GALNTL6: variants seen among roughly 807,000 people sequenced by gnomAD.
The protein encoded by GALNTL6 is polypeptide N-acetylgalactosaminyltransferase like 6, also known as polypeptide N-acetylgalactosaminyltransferase-like 6.
GALNTL6 carries 46 observed loss-of-function variants against 73.7 expected under a neutral mutation model. The ratio of observed to expected loss-of-function variants is 0.62; its 90% CI spans 0.49 to 0.80. The LOEUF (loss-of-function observed/expected upper bound fraction) is 0.80. Ranked by LOEUF, GALNTL6 falls within the 30% of genes least tolerant of loss-of-function variation. The pLI is 0.00. For missense variants in GALNTL6, 604 were observed against 755.0 expected (o/e 0.80, Z 2.34); for synonymous variants, 259 against 263.7 (o/e 0.98, Z 0.17).
At chr4:171,937,830 T>G (rs919421636) in intron 2 of GALNTL6, among the ~76,000 whole-genome samples, 4 of 152,160 alleles carry the variant, frequency 2.6e-5, no homozygotes, top group Non-Finnish European at 5.9e-5. Flanking sequence ...TTTAATTATT[T>G]GCTAATGAAT....
At chr4:172,670,483 T>C (rs1731914209) in intron 5 of GALNTL6, among the ~76,000 whole-genome samples, 1 of 152,186 alleles carries the variant, frequency 6.6e-6, no homozygotes. Context: ...TTGTCCACTC[T>C]TTTTATGGTG....
chr4:172,469,255 T>C (rs1732950484), intron 5 of GALNTL6, among the ~76,000 whole-genome samples: 1 of 152,142 alleles, frequency 6.6e-6, no homozygotes, highest in African/African-American at 2.4e-5. Flanking sequence ...AGGTAGATTA[T>C]CTTGGAAAGT....
intron 2 of GALNTL6, among the ~76,000 whole-genome samples, chr4:171,862,656 C>T (rs1578920221): frequency 1.3e-5 from 2 of 151,946 alleles, no homozygotes; most frequent in African/African-American, 2.4e-5. Context: ...AAGTCGACTG[C>T]ATTTTATAAA....
intron 2 of GALNTL6, among the ~76,000 whole-genome samples, chr4:171,818,575 T>TA (rs370223311): frequency 0.036 from 4,706 of 132,428 alleles, 278 homozygotes; most frequent in Admixed American, 0.17. Context: ...TCTACCACAT[T>TA]AAAAAAAAAA....
chr4:172,890,590 T>G (rs1234309766), intron 8 of GALNTL6, among the ~76,000 whole-genome samples: 4 of 152,208 alleles, frequency 2.6e-5, no homozygotes, highest in African/African-American at 9.7e-5. Context: ...TTGAATTTAT[T>G]GAGACTTGCT....
chr4:172,913,783 G>T (rs1463348513), intron 8 of GALNTL6, among the ~76,000 whole-genome samples: 2 of 152,200 alleles, frequency 1.3e-5, no homozygotes, highest in African/African-American at 4.8e-5. Context: ...ACCTTAAAGT[G>T]ATGGGAAGAA....
chr4:173,032,296 A>G (rs536142520), intron 12 of GALNTL6, among the ~76,000 whole-genome samples: 21 of 152,222 alleles, frequency 1.4e-4, no homozygotes, highest in African/African-American at 2.9e-4. Flanking sequence ...AAAAATACAA[A>G]AAGAATTAGC....
chr4:172,159,899 TG>T (rs1166632915), intron 2 of GALNTL6, among the ~76,000 whole-genome samples: 27 of 152,024 alleles, frequency 1.8e-4, no homozygotes, highest in Admixed American at 1.8e-3. Flanking sequence ...TGAGAAATGA[TG>T]GTGATTGGTC....
chr4:172,752,038 C>T (rs1737452454), intron 5 of GALNTL6, among the ~76,000 whole-genome samples: 1 of 114,024 alleles, frequency 8.8e-6, no homozygotes, highest in Admixed American at 1.1e-4. Flanking sequence ...TCCATATCAA[C>T]TTAAACTTAA....
chr4:172,244,613 T>G (rs1049603137), intron 3 of GALNTL6, among the ~76,000 whole-genome samples: 3 of 152,144 alleles, frequency 2.0e-5, no homozygotes, highest in Non-Finnish European at 4.4e-5. Flanking sequence ...AGTGTTTGTC[T>G]TGCATATAGA....
At chr4:171,868,815 A>G (rs561381789) in intron 2 of GALNTL6, among the ~76,000 whole-genome samples, 17 of 152,046 alleles carry the variant, frequency 1.1e-4, no homozygotes, top group African/African-American at 4.1e-4. Flanking sequence ...CTGAGTAGCC[A>G]GGATTACAGG....
intron 7 of GALNTL6, among the ~76,000 whole-genome samples, chr4:172,825,885 A>G (rs1579532218): frequency 1.3e-5 from 2 of 152,176 alleles, no homozygotes; most frequent in East Asian, 3.9e-4. Context: ...AAGTTAATGA[A>G]GAATACAGCC....
intron 12 of GALNTL6, among the ~76,000 whole-genome samples, chr4:173,038,327 T>C (rs1185434082): frequency 6.6e-6 from 1 of 152,094 alleles, no homozygotes; most frequent in Non-Finnish European, 1.5e-5. Context: ...CAGCAGCGGC[T>C]GGGAGAGGGC....
rs113854272 is a variant in GALNTL6, at chr4:172,455,577, A to G, written c.553+106888A>G. On this transcript the variant is annotated intron_variant, in intron 5 of 12. Transcript: ENST00000506823. Reference sequence around the variant, plus strand: ...GTAGGTGGTTTTCCCTTCACAGTGTAAACAAAGCCACCGGGAAGTTTGGAC... The same window carrying G: ...GTAGGTGGTTTTCCCTTCACAGTGTGAACAAAGCCACCGGGAAGTTTGGAC... Among the ~76,000 whole-genome samples, 1,280 of 152,236 alleles carry G rather than the reference A, an allele frequency of 8.4e-3. 11 individuals carry two copies. Among genetic ancestry groups the G allele is most frequent in the African/African-American group, 0.029 (1,210 of 41,564 alleles).
chr4:172,568,543 T>G (rs974255690), intron 5 of GALNTL6, among the ~76,000 whole-genome samples: 1 of 151,336 alleles, frequency 6.6e-6, no homozygotes, highest in Non-Finnish European at 1.5e-5. Flanking sequence ...GATCACGAGG[T>G]CAGGAGATTG....
intron 8 of GALNTL6, among the ~76,000 whole-genome samples, chr4:172,911,732 G>A (rs1442786739): frequency 6.6e-6 from 1 of 152,134 alleles, no homozygotes; most frequent in African/African-American, 2.4e-5. Context: ...AGATACCTCA[G>A]GTGTATCAGA....
intron 5 of GALNTL6, among the ~76,000 whole-genome samples, chr4:172,641,001 C>CGTGATCCTG (rs1310375299): frequency 1.3e-5 from 2 of 152,066 alleles, no homozygotes; most frequent in Non-Finnish European, 2.9e-5. Flanking sequence ...ACCATCCTTT[C>CGTGATCCTG]GTGATCCTGG....
At chr4:172,970,605 T>A (rs941433574) in intron 10 of GALNTL6, among the ~76,000 whole-genome samples, 2 of 152,240 alleles carry the variant, frequency 1.3e-5, no homozygotes, top group Non-Finnish European at 2.9e-5. Flanking sequence ...CCTTTGGTTG[T>A]CTTCCCTTGT....
At chr4:171,820,591 G>A (rs2930907) in intron 2 of GALNTL6, among the ~76,000 whole-genome samples, 150,195 of 152,282 alleles carry the variant, frequency 0.99, 74,103 homozygotes, top group Middle Eastern at 1. Context: ...GGTAGGTAGG[G>A]GAATTTGAAG....
Sources: gnomAD v4.1 joint callset for allele counts (sites outside exome capture counted in the v4.1 genomes callset) on GRCh38, gnomAD v4.1.1 for gene constraint, MANE v1.5 for transcripts, NCBI Gene and HGNC (gene_info 2026-07-23, HGNC 2026-07-21) for gene names.